PDE1C: variants seen among roughly 807,000 people sequenced by gnomAD.
The protein encoded by PDE1C is phosphodiesterase 1C, also known as dual specificity calcium/calmodulin-dependent 3',5'-cyclic nucleotide phosphodiesterase 1C.
PDE1C carries 62 observed loss-of-function variants against 93.1 expected under a neutral mutation model. That is an observed-to-expected ratio of 0.67 (90% CI 0.54 to 0.82). The LOEUF is 0.82. PDE1C is among the 40% of genes least tolerant of loss of function. The pLI, the probability that PDE1C is intolerant of heterozygous loss-of-function variation, is 0.00. For missense variants in PDE1C, 742 were observed against 884.6 expected (o/e 0.84, Z 2.04); for synonymous variants, 325 against 310.1 (o/e 1.05, Z -0.50).
chr7:31,836,777 T>C (rs13244205), intron 11 of PDE1C, among the ~76,000 whole-genome samples: 37,532 of 152,010 alleles, frequency 0.25, 4,704 homozygotes, highest in Middle Eastern at 0.39. Flanking sequence ...GACTTGTCCA[T>C]TAGAAAGAAA....
chr7:31,767,444 T>C (rs1795216425), intron 17 of PDE1C, among the ~76,000 whole-genome samples: 1 of 152,200 alleles, frequency 6.6e-6, no homozygotes, highest in South Asian at 2.1e-4. Flanking sequence ...TGTTTCCTGC[T>C]GCTCTGGCAA....
chr7:31,790,959 A>G (rs1327852399), intron 16 of PDE1C, among the ~76,000 whole-genome samples: 5 of 152,116 alleles, frequency 3.3e-5, no homozygotes, highest in South Asian at 2.1e-4. Context: ...ATTTCTTCCA[A>G]TTGGTGTTGC....
chr7:31,777,388 A>G (rs902072031), intron 16 of PDE1C, among the ~76,000 whole-genome samples: 2 of 151,946 alleles, frequency 1.3e-5, no homozygotes, highest in Non-Finnish European at 2.9e-5. Flanking sequence ...GAGTGCAGTG[A>G]TGCGATCTCG....
chr7:32,107,674 A>G (rs6948762), intron 3 of PDE1C, among the ~76,000 whole-genome samples: 105,142 of 151,944 alleles, frequency 0.69, 37,102 homozygotes, highest in Middle Eastern at 0.82. Context: ...TCAGAAAGAA[A>G]GAAAATTATG....
intron 3 of PDE1C, among the ~76,000 whole-genome samples, chr7:32,159,918 T>C (rs1801808065): frequency 6.6e-6 from 1 of 152,158 alleles, no homozygotes; most frequent in Non-Finnish European, 1.5e-5. Flanking sequence ...CACAAGCTCC[T>C]GAAGCCAAAT....
At position 32,216,413 on chromosome 7, in the gene PDE1C, T is replaced by C. The variant is rs143961475; in HGVS notation, c.86-6874A>G. 8.7e-3 allele frequency among the ~76,000 whole-genome samples: 1,322 copies of C among 152,274 alleles called. 12 individuals carry two copies. The highest frequency in any genetic ancestry group is 0.024 in the South Asian group (115 of 4,820). On this transcript the variant is annotated intron_variant, in intron 1 of 18. Transcript: ENST00000396193. ...TGACAATGTAAGCTCCACACAAGCATAGATTCTCTGCCAATGAAAAAGCTG... is the reference window on the plus strand; with the variant it reads ...TGACAATGTAAGCTCCACACAAGCACAGATTCTCTGCCAATGAAAAAGCTG...
At chr7:32,070,160 G>C in intron 1 of PDE1C, 133 bp downstream of exon 1, 2 of 1,443,682 alleles carry the variant, frequency 1.4e-6, no homozygotes, top group Non-Finnish European at 1.9e-6. Flanking sequence ...TAACAGAGCA[G>C]CAGTTGTGGA....
intron 2 of PDE1C, among the ~76,000 whole-genome samples, chr7:31,983,986 G>A (rs2129063257): frequency 6.6e-6 from 1 of 152,194 alleles, no homozygotes; most frequent in South Asian, 2.1e-4. Flanking sequence ...ATGAAGGAAT[G>A]TGGGAGGAGA....
intron 2 of PDE1C, among the ~76,000 whole-genome samples, chr7:32,020,200 G>A (rs1023757088): frequency 1.3e-5 from 2 of 152,030 alleles, no homozygotes; most frequent in African/African-American, 2.4e-5. Context: ...TTGGCCTCAG[G>A]ACATCCTAAC....
At chr7:32,164,850 C>T (rs1324505018) in intron 3 of PDE1C, among the ~76,000 whole-genome samples, 1 of 152,098 alleles carries the variant, frequency 6.6e-6, no homozygotes, top group South Asian at 2.1e-4. Context: ...TATTGAGATT[C>T]CTGTCACTAA....
rs1017083219 is a variant in PDE1C, at chr7:32,366,151, G to T, written c.310+61671C>A. Among the ~76,000 whole-genome samples the T allele has an allele frequency of 5.9e-5, 9 of 152,244 alleles. No individual in the cohort carries two copies. The East Asian group carries it at 7.7e-4, about 13-fold the overall frequency. ...AATCTTAAGGAACCTCAGTGAGATAGAAGAGAATACAGATAGACAATTCAA... is the reference window on the plus strand; with the variant it reads ...AATCTTAAGGAACCTCAGTGAGATATAAGAGAATACAGATAGACAATTCAA... On this transcript the variant is annotated intron_variant, in intron 1 of 1. Coordinates refer to the PDE1C transcript ENST00000672256.
At chr7:31,865,182 A>T in intron 6 of PDE1C, 100 bp from the exon 7 acceptor site, 1 of 1,129,112 alleles carries the variant, frequency 8.9e-7, no homozygotes, top group Non-Finnish European at 1.3e-6. Flanking sequence ...CTGAAGGCAT[A>T]ACACATGAGG....
intron 2 of PDE1C, among the ~76,000 whole-genome samples, chr7:31,886,483 G>T (rs903671838): frequency 2.0e-5 from 3 of 152,176 alleles, no homozygotes; most frequent in African/African-American, 7.2e-5. Flanking sequence ...CACTGGGAGA[G>T]ATAGGCTCTA....
intron 1 of PDE1C, among the ~76,000 whole-genome samples, chr7:32,060,290 T>C (rs1376766784): frequency 6.6e-6 from 1 of 152,184 alleles, no homozygotes; most frequent in Non-Finnish European, 1.5e-5. Flanking sequence ...TCCTGCAGTG[T>C]TCCTTCCCTC....
chr7:32,080,779 T>G (rs1796617173), intron 3 of PDE1C, among the ~76,000 whole-genome samples: 1 of 152,138 alleles, frequency 6.6e-6, no homozygotes, highest in Non-Finnish European at 1.5e-5. Flanking sequence ...CTCAGGAGAA[T>G]AAAAGAATAT....
chr7:31,921,301 G>T (rs1353783882), intron 2 of PDE1C, among the ~76,000 whole-genome samples: 1 of 152,200 alleles, frequency 6.6e-6, no homozygotes, highest in Non-Finnish European at 1.5e-5. Context: ...GTTTGGGAGT[G>T]AGAGAGATGG....
chr7:32,157,786 A>G (rs1409220780), intron 3 of PDE1C, among the ~76,000 whole-genome samples: 1 of 152,246 alleles, frequency 6.6e-6, no homozygotes, highest in Non-Finnish European at 1.5e-5. Context: ...CCTAAAGCGA[A>G]TGTAGCAAAA....
At chr7:31,871,303 TCTA>T (rs1298772501) in intron 6 of PDE1C, among the ~76,000 whole-genome samples, 1 of 151,904 alleles carries the variant, frequency 6.6e-6, no homozygotes, top group Non-Finnish European at 1.5e-5. Flanking sequence ...AGGAAATTGG[TCTA>T]GGCAAAGATT....
chr7:32,311,265 C>T (rs1170963738), intron 1 of PDE1C, among the ~76,000 whole-genome samples: 2 of 152,280 alleles, frequency 1.3e-5, no homozygotes, highest in African/African-American at 2.4e-5. Context: ...TAATCAATAG[C>T]TTACCAACCA....
Sources: allele counts gnomAD v4.1 joint callset (sites outside exome capture counted in the v4.1 genomes callset), GRCh38; gene constraint gnomAD v4.1.1; transcripts MANE v1.5; gene names NCBI Gene and HGNC (gene_info 2026-07-23, HGNC 2026-07-21).